RANBP2: variants seen among roughly 807,000 people sequenced by gnomAD.
RANBP2 encodes E3 SUMO-protein ligase RanBP2.
RANBP2 carries 57 observed loss-of-function variants against 303.6 expected under a neutral mutation model. That is an observed-to-expected ratio of 0.19 (90% CI 0.15 to 0.23). RANBP2 has a LOEUF of 0.23. Ranked by LOEUF, RANBP2 falls within the 10% of genes least tolerant of loss-of-function variation. RANBP2 has a pLI of 1.00. For missense variants in RANBP2, 3,138 were observed against 3,780.8 expected, an observed-to-expected ratio of 0.83 and a Z score of 4.46; for synonymous variants, 1,167 against 1,301.5, an observed-to-expected ratio of 0.90 and a Z score of 2.23.
chr2:108,721,927 G>A (rs543534477), intron 1 of RANBP2, among the ~76,000 whole-genome samples: 85 of 151,228 alleles, frequency 5.6e-4, no homozygotes, highest in African/African-American at 1.9e-3. Flanking sequence ...ATGTAGAGAC[G>A]GGGTCTTATC....
At chr2:109,284,022 G>A in the RANBP2 span, among the ~76,000 whole-genome samples, 1 of 152,172 alleles carries the variant, frequency 6.6e-6, no homozygotes, top group Non-Finnish European at 1.5e-5. Flanking sequence ...GGAAAGCCGA[G>A]GGGAGGGTGG....
chr2:109,396,359 G>A, the RANBP2 span, among the ~76,000 whole-genome samples: 2 of 152,312 alleles, frequency 1.3e-5, no homozygotes, highest in South Asian at 2.1e-4. Flanking sequence ...GTTGGAGCCC[G>A]GAGTGAGGTT....
the RANBP2 span, among the ~76,000 whole-genome samples, chr2:109,767,657 T>G: frequency 6.8e-6 from 1 of 147,904 alleles, no homozygotes; most frequent in Non-Finnish European, 1.5e-5. Context: ...GGCATTTAGC[T>G]GGGAAGTGGG....
chr2:108,907,578 G>T, the RANBP2 span, among the ~76,000 whole-genome samples: 16 of 152,080 alleles, frequency 1.1e-4, no homozygotes, highest in African/African-American at 3.4e-4. Context: ...AACCCAGGAG[G>T]CGGAGGTTGT....
chr2:108,891,699 G>C, the RANBP2 span, among the ~76,000 whole-genome samples: 9 of 152,194 alleles, frequency 5.9e-5, no homozygotes, highest in East Asian at 1.9e-4. Flanking sequence ...TGGGTGTGTA[G>C]GTGGGTTTTT....
chr2:108,790,510 A>G (rs1679730714), downstream of RANBP2, among the ~76,000 whole-genome samples: 1 of 152,276 alleles, frequency 6.6e-6, no homozygotes, highest in South Asian at 2.1e-4. Flanking sequence ...TGTAAGTGTC[A>G]TATACACACT....
the RANBP2 span, among the ~76,000 whole-genome samples, chr2:109,055,366 C>CTTT: frequency 2.1e-4 from 28 of 133,430 alleles, 1 homozygote; most frequent in Admixed American, 4.0e-4. Context: ...TTTTTCTTTT[C>CTTT]TTTTTTTTTT....
At chr2:109,541,471 T>C in the RANBP2 span, among the ~76,000 whole-genome samples, 1 of 152,202 alleles carries the variant, frequency 6.6e-6, no homozygotes, top group East Asian at 1.9e-4. Flanking sequence ...TCCCCCTGCC[T>C]GCCAGTATCT....
the RANBP2 span, among the ~76,000 whole-genome samples, chr2:109,017,628 T>C: frequency 1.3e-5 from 2 of 152,262 alleles, no homozygotes; most frequent in Non-Finnish European, 2.9e-5. Flanking sequence ...TGCTCTTTTT[T>C]TCCAATCTCT....
the RANBP2 span, among the ~76,000 whole-genome samples, chr2:109,237,975 G>A: frequency 6.6e-6 from 1 of 152,206 alleles, no homozygotes; most frequent in Non-Finnish European, 1.5e-5. Context: ...GCTCATGCTT[G>A]TAATCCTAGC....
chr2:109,493,175 A>G, the RANBP2 span, among the ~76,000 whole-genome samples: 39 of 151,840 alleles, frequency 2.6e-4, no homozygotes, highest in Admixed American at 3.3e-4. Context: ...CACATACGCC[A>G]TGCAAACACA....
chr2:109,062,967 C>A, the RANBP2 span, among the ~76,000 whole-genome samples: 1 of 152,168 alleles, frequency 6.6e-6, no homozygotes, highest in Non-Finnish European at 1.5e-5. Context: ...CCACGCTGAC[C>A]CTGTGCCAGA....
intron 6 of RANBP2, among the ~76,000 whole-genome samples, chr2:108,739,764 T>C (rs1295583759): frequency 6.6e-5 from 10 of 152,178 alleles, no homozygotes; most frequent in South Asian, 2.1e-4. Flanking sequence ...GGTGGGTGGA[T>C]TGTGAGGTCA....
At chr2:109,153,016 G>A in the RANBP2 span, among the ~76,000 whole-genome samples, 5 of 152,188 alleles carry the variant, frequency 3.3e-5, no homozygotes, top group East Asian at 3.9e-4. Flanking sequence ...TTAGAAGCAC[G>A]TTTTGATGGG....
At chr2:109,244,081 T>G in the RANBP2 span, among the ~76,000 whole-genome samples, 1 of 152,238 alleles carries the variant, frequency 6.6e-6, no homozygotes, top group African/African-American at 2.4e-5. Flanking sequence ...GGTCCTAGAT[T>G]GCCTAGAATC....
the RANBP2 span, among the ~76,000 whole-genome samples, chr2:109,288,117 CA>C: frequency 1.3e-5 from 2 of 152,186 alleles, no homozygotes; most frequent in Non-Finnish European, 2.9e-5. Flanking sequence ...GCCCACAAGA[CA>C]AGGCTATCAG....
the RANBP2 span, among the ~76,000 whole-genome samples, chr2:109,204,155 AT>A: frequency 1.3e-5 from 2 of 152,178 alleles, no homozygotes; most frequent in Non-Finnish European, 2.9e-5. Flanking sequence ...TCTCTTCTCC[AT>A]TTAGATTCAG....
chr2:109,450,890 T>C, the RANBP2 span, among the ~76,000 whole-genome samples: 1 of 152,212 alleles, frequency 6.6e-6, no homozygotes, highest in Admixed American at 6.5e-5. Context: ...ATAAAATTAG[T>C]CTTTGGATCA....
chr2:108,944,123 C>CT, the RANBP2 span, among the ~76,000 whole-genome samples: 2 of 152,118 alleles, frequency 1.3e-5, no homozygotes, highest in South Asian at 2.1e-4. Flanking sequence ...ATGGTATATT[C>CT]TTTTTTTTGA....
Sources: allele counts gnomAD v4.1 joint callset (sites outside exome capture counted in the v4.1 genomes callset), GRCh38; gene constraint gnomAD v4.1.1; transcripts MANE v1.5; gene names NCBI Gene and HGNC (gene_info 2026-07-23, HGNC 2026-07-21).